Variants in ZNF423 observed in about 807,000 individuals in gnomAD.
ZNF423 encodes the protein Ebf-associated zinc finger protein.
ZNF423 carries 12 observed loss-of-function variants against 95.8 expected under a neutral mutation model. The ratio of observed to expected loss-of-function variants is 0.13; its 90% confidence interval spans 0.08 to 0.20. ZNF423 has a LOEUF of 0.20. ZNF423 is among the 10% of genes least tolerant of loss of function. The probability of loss-of-function intolerance (pLI) is 1.00; values close to 1 mark genes in which losing one functional copy is unlikely to be tolerated. For missense variants in ZNF423, 1,316 were observed against 1,737.1 expected, an observed-to-expected ratio of 0.76 and a Z score of 4.31; for synonymous variants, 749 against 711.9, an observed-to-expected ratio of 1.05 and a Z score of -0.83.
chr16:49,642,655 C>T (rs1227317640), intron 3 of ZNF423, among the ~76,000 whole-genome samples: 1 of 152,142 alleles, frequency 6.6e-6, no homozygotes, highest in Non-Finnish European at 1.5e-5. Context: ...CATTCAACCT[C>T]GCCTGCTGCC....
intron 5 of ZNF423, among the ~76,000 whole-genome samples, chr16:49,561,472 T>A (rs1745350299): frequency 6.6e-6 from 1 of 152,162 alleles, no homozygotes; most frequent in Admixed American, 6.5e-5. Flanking sequence ...CTTTGTATAC[T>A]CCCCTTAATC....
chr16:49,794,046 T>A (rs397832886), intron 1 of ZNF423, among the ~76,000 whole-genome samples: 1 of 121,162 alleles, frequency 8.3e-6, no homozygotes, highest in African/African-American at 3.1e-5. Context: ...TCTCTCTCTC[T>A]CGCTCTCTGA....
At chr16:49,690,315 G>T (rs2031729577) in intron 3 of ZNF423, among the ~76,000 whole-genome samples, 1 of 152,178 alleles carries the variant, frequency 6.6e-6, no homozygotes, top group Admixed American at 6.5e-5. Flanking sequence ...AGGATCACTT[G>T]GGGCCAGGAG....
Position 49,839,419 on chromosome 16 carries a change from G to A in ZNF423, c.40+16316C>T, listed in dbSNP as rs911637156. On this transcript the variant is annotated intron_variant, in intron 1 of 7. Transcript: ENST00000563137. ...CCATCTGTCAGATGGGGGTGGGAAC[G>A]TGGTCCAGTGCCAGGCACAGGGAGC... Among the ~76,000 whole-genome samples the A allele has an allele frequency of 4.6e-5, 7 of 152,304 alleles. No individual in the cohort carries two copies. In the South Asian group the frequency reaches 1.0e-3, roughly 23 times the overall value.
chr16:49,720,296 G>A (rs959821431), intron 3 of ZNF423, among the ~76,000 whole-genome samples: 7 of 152,208 alleles, frequency 4.6e-5, no homozygotes, highest in African/African-American at 9.7e-5. Flanking sequence ...CAGTGAGCTC[G>A]ATGTGGCATT....
rs184501385 is a variant in ZNF423, at chr16:49,722,775, C to A, written c.301+7996G>T. On this transcript the variant is annotated intron_variant, in intron 3 of 7. Coordinates refer to ENST00000563137, the MANE Select transcript of ZNF423 (RefSeq NM_001379286.1). ...ACCTACTATGTGTTCTAGCCACAGG[C>A]CAAAGCAATCCTGCGGAGAGGGAAG... Among the ~76,000 whole-genome samples, 46 of 152,262 alleles carry A rather than the reference C, an allele frequency of 3.0e-4. No homozygotes were observed. The East Asian group carries it at 5.0e-3, about 17-fold the overall frequency.
At chr16:49,822,153 C>T (rs9928417) in intron 1 of ZNF423, among the ~76,000 whole-genome samples, 91,967 of 151,296 alleles carry the variant, frequency 0.61, 28,230 homozygotes, top group Middle Eastern at 0.71. Flanking sequence ...AACCCGTTTG[C>T]CTAAGTCACC....
intron 1 of ZNF423, among the ~76,000 whole-genome samples, chr16:49,791,584 T>G (rs2034414662): frequency 6.6e-6 from 1 of 152,154 alleles, no homozygotes; most frequent in South Asian, 2.1e-4. Context: ...AAGGTCTCCA[T>G]GGGTCCCTAA....
intron 3 of ZNF423, among the ~76,000 whole-genome samples, chr16:49,644,705 C>T (rs1210268656): frequency 1.4e-5 from 2 of 138,344 alleles, no homozygotes; most frequent in African/African-American, 5.4e-5. Context: ...AAACCGTGAG[C>T]CTACAGAGGG....
intron 2 of ZNF423, among the ~76,000 whole-genome samples, chr16:49,735,813 C>T (rs1047510646): frequency 2.0e-5 from 3 of 152,222 alleles, no homozygotes; most frequent in Non-Finnish European, 4.4e-5. Context: ...CCCCAAGAAG[C>T]CTTTGGATGA....
chr16:49,702,476 A>C (rs1393747767), intron 3 of ZNF423, among the ~76,000 whole-genome samples: 1 of 152,126 alleles, frequency 6.6e-6, no homozygotes, highest in Non-Finnish European at 1.5e-5. Flanking sequence ...GCTTTACTGA[A>C]GGAATCTTGA....
At chr16:49,516,555 C>T (rs1038437508) in intron 7 of ZNF423, among the ~76,000 whole-genome samples, 4 of 152,162 alleles carry the variant, frequency 2.6e-5, no homozygotes, top group Non-Finnish European at 2.9e-5. Flanking sequence ...GTTTTAAATA[C>T]GGAGCTGCCC....
chr16:49,637,982 C>A lies in ZNF423; in HGVS notation c.1194G>T (p.Pro398=), dbSNP rs61747467. The change falls in exon 4 of 8, where the codon CCG becomes CCT. Residue 398 remains proline, a synonymous_variant. Coordinates refer to ENST00000563137, the MANE Select transcript of ZNF423 (RefSeq NM_001379286.1). The surrounding 1 kb of genome is among the most constrained non-coding windows in gnomAD (Gnocchi z 5.6). ...CCCGCATCTTCTTCTGCCCCCGCAGCGGCTTCAAGGTGGAGTCCGGGGTGG... is the reference window on the plus strand; with the variant it reads ...CCCGCATCTTCTTCTGCCCCCGCAGAGGCTTCAAGGTGGAGTCCGGGGTGG... ...RGSTPDSTLK[P]LRGQKKMRDD... is the part of the protein sequence containing the mutation. 6.2e-6 allele frequency: 10 copies of A among 1,613,990 alleles called. No homozygotes were observed. The Admixed American group carries it at 1.0e-4, about 16-fold the overall frequency.
intron 3 of ZNF423, among the ~76,000 whole-genome samples, chr16:49,677,228 A>AAAGAG (rs1296513369): frequency 0.08 from 4,582 of 57,202 alleles, 2,196 homozygotes; most frequent in South Asian, 0.095. Flanking sequence ...AGAAACAAGA[A>AAAGAG]AAGAGAAGAG....
intron 1 of ZNF423, among the ~76,000 whole-genome samples, chr16:49,826,429 G>C (rs1469633457): frequency 6.6e-6 from 1 of 152,174 alleles, no homozygotes; most frequent in African/African-American, 2.4e-5. Flanking sequence ...AACAAGTCAG[G>C]CTGGATTGAT....
intron 2 of ZNF423, among the ~76,000 whole-genome samples, chr16:49,776,659 G>A (rs531651183): frequency 1.4e-4 from 21 of 152,326 alleles, no homozygotes; most frequent in African/African-American, 4.8e-4. Context: ...GGGGGTTGCG[G>A]GGCGGCCCAT....
chr16:49,509,140 G>A (rs2151676681), intron 7 of ZNF423, among the ~76,000 whole-genome samples: 1 of 152,282 alleles, frequency 6.6e-6, no homozygotes, highest in Non-Finnish European at 1.5e-5. Flanking sequence ...AAAGCAAAGT[G>A]GCTCGCTAAG....
chr16:49,601,320 C>T (rs1971365616), intron 5 of ZNF423, among the ~76,000 whole-genome samples: 1 of 152,184 alleles, frequency 6.6e-6, no homozygotes, highest in African/African-American at 2.4e-5. Context: ...TCCTCAATTT[C>T]CCCATCTACA....
At chr16:49,522,703 TCAGGGTG>T in intron 7 of ZNF423, among the ~76,000 whole-genome samples, 2 of 152,244 alleles carry the variant, frequency 1.3e-5, no homozygotes, top group East Asian at 3.9e-4. Context: ...GCGGTATTCC[TCAGGGTG>T]GATGCAGTGT....
Sources: gnomAD v4.1 joint callset for allele counts (sites outside exome capture counted in the v4.1 genomes callset) on GRCh38, gnomAD v4.1.1 for gene constraint, Gnocchi (gnomAD v3.1) non-coding constraint, MANE v1.5 for transcripts, NCBI Gene and HGNC (gene_info 2026-07-23, HGNC 2026-07-21) for gene names.